Variants in VTI1A observed in about 807,000 individuals in gnomAD.
VTI1A encodes the protein vesicle transport through interaction with t-SNAREs homolog 1A.
VTI1A carries 22 observed loss-of-function variants against 34.9 expected under a neutral mutation model. That is an observed-to-expected ratio of 0.63 (90% CI 0.45 to 0.90). The LOEUF (loss-of-function observed/expected upper bound fraction) is 0.90. Ranked by LOEUF, VTI1A falls within the 40% of genes least tolerant of loss-of-function variation. VTI1A has a pLI of 0.00. For synonymous variants in VTI1A, 87 were observed against 97.3 expected, an observed-to-expected ratio of 0.89 and a Z score of 0.62; for missense variants, 268 against 275.6, an observed-to-expected ratio of 0.97 and a Z score of 0.20.
chr10:112,591,393 G>T (rs1164159717), intron 5 of VTI1A, among the ~76,000 whole-genome samples: 5 of 152,096 alleles, frequency 3.3e-5, no homozygotes, highest in African/African-American at 1.2e-4. Flanking sequence ...GGTGGCAGGT[G>T]CCTGTAGTCC....
At chr10:112,604,474 TAAAG>T (rs1257446529) in intron 5 of VTI1A, among the ~76,000 whole-genome samples, 1 of 152,196 alleles carries the variant, frequency 6.6e-6, no homozygotes, top group Non-Finnish European at 1.5e-5. Flanking sequence ...CTTGTTTCTA[TAAAG>T]AATCTAAGAT....
chr10:112,634,523 A>T (rs866566173), intron 5 of VTI1A, among the ~76,000 whole-genome samples: 4,003 of 127,510 alleles, frequency 0.031, 90 homozygotes, highest in Non-Finnish European at 0.041. Context: ...ATACACACAC[A>T]CACACACACA....
At chr10:112,547,798 G>C (rs1329603026) in intron 5 of VTI1A, among the ~76,000 whole-genome samples, 3 of 152,078 alleles carry the variant, frequency 2.0e-5, no homozygotes, top group Non-Finnish European at 4.4e-5. Context: ...AGATTATAGC[G>C]TTTTAATGAG....
At chr10:112,452,218 C>T (rs1847265508) in intron 1 of VTI1A, among the ~76,000 whole-genome samples, 1 of 152,132 alleles carries the variant, frequency 6.6e-6, no homozygotes, top group Non-Finnish European at 1.5e-5. Context: ...TTCAATTGAG[C>T]ATACAGGGAA....
chr10:112,670,933 G>T (rs1188783530), intron 7 of VTI1A, among the ~76,000 whole-genome samples: 2 of 152,188 alleles, frequency 1.3e-5, no homozygotes, highest in African/African-American at 4.8e-5. Flanking sequence ...TGGGATCTTG[G>T]TATCAGCCAG....
intron 5 of VTI1A, among the ~76,000 whole-genome samples, chr10:112,599,065 G>C (rs1005692863): frequency 6.6e-6 from 1 of 152,110 alleles, no homozygotes; most frequent in African/African-American, 2.4e-5. Flanking sequence ...ACTGTATTTT[G>C]AGGGTCTGGA....
At chr10:112,563,812 G>GT (rs1195331805) in intron 5 of VTI1A, among the ~76,000 whole-genome samples, 3 of 152,122 alleles carry the variant, frequency 2.0e-5, no homozygotes, top group Non-Finnish European at 4.4e-5. Flanking sequence ...ACATATCTCT[G>GT]TTTTAAAGCA....
At chr10:112,626,721 A>G (rs1845937642) in intron 5 of VTI1A, among the ~76,000 whole-genome samples, 1 of 152,228 alleles carries the variant, frequency 6.6e-6, no homozygotes, top group South Asian at 2.1e-4. Context: ...AGGGTTTTCC[A>G]GCTGGTAGTC....
rs141348297 is a variant in VTI1A, at chr10:112,798,296, C to T, written c.561-16994C>T. 2.5e-3 allele frequency among the ~76,000 whole-genome samples: 382 copies of T among 152,302 alleles called. 2 individuals carry two copies. Among genetic ancestry groups the T allele is most frequent in the African/African-American group, 8.8e-3 (364 of 41,562 alleles). On this transcript the variant is annotated intron_variant, in intron 7 of 7. Coordinates refer to ENST00000393077, the MANE Select transcript of VTI1A (RefSeq NM_145206.4). ...CTGTCTCTCAGTTGGGCTTTCAACA[C>T]GTCTTCCACAGGAGAGAATTTCAGG...
intron 7 of VTI1A, among the ~76,000 whole-genome samples, chr10:112,698,653 C>T (rs1002759191): frequency 6.6e-6 from 1 of 152,238 alleles, no homozygotes; most frequent in Admixed American, 6.5e-5. Flanking sequence ...TAACACCCTT[C>T]TGCTCACACA....
chr10:112,538,152 T>G, intron 4 of VTI1A, 94 bp from the exon 5 acceptor site: 215 of 998,122 alleles, frequency 2.2e-4, no homozygotes, highest in East Asian at 3.7e-4. Context: ...CCCCACCCCA[T>G]GTTAGGGCAT....
At chr10:112,505,069 A>G (rs1849380713) in intron 3 of VTI1A, among the ~76,000 whole-genome samples, 1 of 151,708 alleles carries the variant, frequency 6.6e-6, no homozygotes, top group Non-Finnish European at 1.5e-5. Flanking sequence ...TATGTCTATT[A>G]TTTTGTTTAG....
intron 7 of VTI1A, among the ~76,000 whole-genome samples, chr10:112,718,719 A>G (rs1849691458): frequency 6.6e-6 from 1 of 152,204 alleles, no homozygotes; most frequent in Non-Finnish European, 1.5e-5. Context: ...TAATAATGCT[A>G]CCCTTTCATA....
chr10:112,804,629 C>T (rs1019523831), intron 7 of VTI1A, among the ~76,000 whole-genome samples: 4 of 152,074 alleles, frequency 2.6e-5, no homozygotes, highest in African/African-American at 4.8e-5. Flanking sequence ...CACATTGTCC[C>T]GGCCCTGGCA....
intron 5 of VTI1A, among the ~76,000 whole-genome samples, chr10:112,645,655 A>G (rs909553920): frequency 2.0e-5 from 3 of 152,196 alleles, no homozygotes; most frequent in Non-Finnish European, 4.4e-5. Context: ...CACTTCTCTC[A>G]GATGATCTAA....
intron 5 of VTI1A, among the ~76,000 whole-genome samples, chr10:112,568,157 G>GAA (rs11429883): frequency 1.3e-4 from 20 of 151,000 alleles, no homozygotes; most frequent in African/African-American, 2.7e-4. Context: ...TCTGGACAGA[G>GAA]AAAAAAAAAT....
chr10:112,523,402 G>A (rs1249335425), intron 3 of VTI1A, among the ~76,000 whole-genome samples: 2 of 152,008 alleles, frequency 1.3e-5, no homozygotes, highest in African/African-American at 2.4e-5. Flanking sequence ...TAACTTCTTA[G>A]AGGTAACAAT....
At chr10:112,494,256 C>CT (rs1222168968) in intron 3 of VTI1A, among the ~76,000 whole-genome samples, 1 of 151,862 alleles carries the variant, frequency 6.6e-6, no homozygotes, top group African/African-American at 2.4e-5. Context: ...TGTTTATAAT[C>CT]TTTTTTATTT....
chr10:112,472,853 A>T (rs973002780), intron 3 of VTI1A, among the ~76,000 whole-genome samples: 1 of 151,938 alleles, frequency 6.6e-6, no homozygotes, highest in African/African-American at 2.4e-5. Flanking sequence ...AGAAAAGAAA[A>T]TTTTCTTTAC....
Sources: allele counts gnomAD v4.1 joint callset (sites outside exome capture counted in the v4.1 genomes callset), GRCh38; gene constraint gnomAD v4.1.1; transcripts MANE v1.5; gene names NCBI Gene and HGNC (gene_info 2026-07-23, HGNC 2026-07-21).